GLUD1: variants seen among roughly 807,000 people sequenced by gnomAD.
The protein encoded by GLUD1 is glutamate dehydrogenase 1, mitochondrial.
GLUD1 carries 22 observed loss-of-function variants against 56.0 expected under a neutral mutation model. The ratio of observed to expected loss-of-function variants is 0.39; its 90% CI spans 0.28 to 0.56. The LOEUF is 0.56. Among genes scored for constraint, GLUD1 ranks in the 20% least tolerant of loss-of-function variants. The pLI, the probability that GLUD1 is intolerant of heterozygous loss-of-function variation, is 0.58. For missense variants in GLUD1, 451 were observed against 732.0 expected (o/e 0.62, Z 4.43); for synonymous variants, 223 against 269.9 (o/e 0.83, Z 1.70).
intron 10 of GLUD1, 91 bp from the exon 11 acceptor site, chr10:87,057,873 C>T: frequency 1.3e-6 from 1 of 742,022 alleles, no homozygotes; most frequent in South Asian, 1.4e-5. Context: ...ATAACTGTAA[C>T]CCAAAAACTT....
At chr10:87,061,225 G>GT in intron 6 of GLUD1, 173 bp from the exon 7 acceptor site, 2 of 744,360 alleles carry the variant, frequency 2.7e-6, no homozygotes, top group Non-Finnish European at 4.8e-6. Flanking sequence ...AAAATTCTCT[G>GT]TTTAAGAATG....
intron 11 of GLUD1, among the ~76,000 whole-genome samples, chr10:87,056,138 A>AC (rs1845768182): frequency 1.3e-5 from 2 of 149,954 alleles, no homozygotes; most frequent in African/African-American, 4.9e-5. Flanking sequence ...AAAAAAAAAA[A>AC]AACCAAAAAA....
At chr10:87,074,473 G>A in intron 4 of GLUD1, 78 bp downstream of exon 4, 1 of 806,744 alleles carries the variant, frequency 1.2e-6, no homozygotes, top group South Asian at 1.4e-5. Context: ...GGGCAACAGA[G>A]TGAGACTCCG....
chr10:87,075,025 A>AT (rs199509681), intron 3 of GLUD1, among the ~76,000 whole-genome samples: 2,906 of 152,352 alleles, frequency 0.019, 59 homozygotes, highest in Non-Finnish European at 0.032. Flanking sequence ...AACTGACTGG[A>AT]TAAAAAGTAA....
chr10:87,052,563 G>A (rs928975037), intron 12 of GLUD1, among the ~76,000 whole-genome samples: 4 of 151,246 alleles, frequency 2.6e-5, no homozygotes, highest in East Asian at 3.9e-4. Flanking sequence ...CCAGCTACTC[G>A]GGAGGCTAAG....
At chr10:87,091,635 A>T in intron 1 of GLUD1, 1 of 932,354 alleles carries the variant, frequency 1.1e-6, no homozygotes, top group Non-Finnish European at 1.3e-6. Flanking sequence ...TGGGAAAAGA[A>T]AAGCACAAAA....
intron 1 of GLUD1, among the ~76,000 whole-genome samples, chr10:87,081,778 C>T (rs1841261684): frequency 1.3e-5 from 2 of 151,368 alleles, no homozygotes; most frequent in Non-Finnish European, 3.0e-5. Flanking sequence ...TCACCACTCC[C>T]TAATCTCAAG....
intron 11 of GLUD1, among the ~76,000 whole-genome samples, chr10:87,056,979 T>C (rs546056521): frequency 9.9e-5 from 15 of 151,924 alleles, no homozygotes; most frequent in African/African-American, 3.4e-4. Flanking sequence ...CTTTCTTTTT[T>C]TTGGCGGGGG....
intron 1 of GLUD1, chr10:87,093,815 G>T: frequency 1.3e-6 from 1 of 779,728 alleles, no homozygotes; most frequent in Non-Finnish European, 1.9e-6. Flanking sequence ...AAACTGTCTA[G>T]ATTTCAAACT....
chr10:87,094,404 G>C lies in GLUD1; in HGVS notation c.366C>G (p.Ile122Met). ...CCTCCCAGGAGCCGTCGTCGCGCCG[G>C]ATGGGGAAGGAGAGACTCAGCACAT... ...CNHVLSLSFPIRRDDGSWEVI... is the reference protein window; with the variant it reads ...CNHVLSLSFPMRRDDGSWEVI... The change falls in exon 1 of 13, where the codon ATC becomes ATG. Residue 122 changes from isoleucine (I) to methionine (M), a missense_variant. Physicochemically the swap from Ile to Met is conservative, Grantham distance 10 (BLOSUM62 1). Coordinates refer to ENST00000277865, the MANE Select transcript of GLUD1 (RefSeq NM_005271.5). This position sits in a 1 kb window ranked among gnomAD's most constrained non-coding sequence, Gnocchi z 6.6. 1 of 1,613,566 alleles carries C rather than the reference G, an allele frequency of 6.2e-7. No homozygotes were observed. The highest frequency in any genetic ancestry group is 2.2e-5 in the East Asian group (1 of 44,866).
intron 5 of GLUD1, among the ~76,000 whole-genome samples, chr10:87,066,969 T>A (rs1301545420): frequency 1.3e-5 from 2 of 152,198 alleles, no homozygotes; most frequent in African/African-American, 4.8e-5. Context: ...TCCCTTTCCT[T>A]AATTCCACAT....
In GLUD1 at chr10:87,064,731, A is replaced by C. The variant is rs1431094831; in HGVS notation, c.742-1896T>G. ...GATTAATAGAATTAGTAGTTTTCCC[A>C]CAGTTTGCTTTCATGAATAATTAAC... On this transcript the variant is annotated intron_variant, in intron 5 of 12. Coordinates refer to ENST00000277865, the MANE Select transcript of GLUD1 (RefSeq NM_005271.5). 2.6e-5 allele frequency among the ~76,000 whole-genome samples: 4 copies of C among 152,250 alleles called. No homozygotes were observed. In the East Asian group the frequency reaches 7.7e-4, roughly 29 times the overall value.
chr10:87,060,581 C>A, intron 8 of GLUD1, 107 bp downstream of exon 8: 1 of 1,340,532 alleles, frequency 7.5e-7, no homozygotes, highest in East Asian at 2.3e-5. Flanking sequence ...CAGTATGTGC[C>A]AATAAAGCTG....
intron 11 of GLUD1, among the ~76,000 whole-genome samples, chr10:87,055,777 A>C (rs2133783303): frequency 6.6e-6 from 1 of 152,290 alleles, no homozygotes; most frequent in Middle Eastern, 3.4e-3. Flanking sequence ...CCCATGTTGC[A>C]ATATAGTCTC....
chr10:87,092,378 AAT>A (rs1249493102), intron 1 of GLUD1, among the ~76,000 whole-genome samples: 1 of 152,230 alleles, frequency 6.6e-6, no homozygotes, highest in Non-Finnish European at 1.5e-5. Context: ...TACTAGTAAC[AAT>A]TCAGTTTCTC....
chr10:87,052,876 T>C (rs1316707739), intron 12 of GLUD1, among the ~76,000 whole-genome samples: 1 of 152,140 alleles, frequency 6.6e-6, no homozygotes. Context: ...TATCTGCTTA[T>C]GCTATTTCAT....
intron 1 of GLUD1, among the ~76,000 whole-genome samples, chr10:87,090,515 A>G (rs1298000887): frequency 1.3e-5 from 2 of 152,170 alleles, no homozygotes. Context: ...GATCACTACC[A>G]TTACCAAGCG....
In GLUD1 at chr10:87,074,908, AT is replaced by A. The variant is rs1846344207; in HGVS notation, c.583-295del. Among the ~76,000 whole-genome samples the A allele has an allele frequency of 2.6e-5, 4 of 152,336 alleles. No individual in the cohort carries two copies. The South Asian group carries it at 8.3e-4, about 32-fold the overall frequency. On this transcript the variant is annotated intron_variant, in intron 3 of 12. Transcript: ENST00000277865. ...ATTAATTTAAATATAATTATATTCCATTTAAATGGTGAATTTTAAAGAGAAT... is the reference window on the plus strand; with the variant it reads ...ATTAATTTAAATATAATTATATTCCATTAAATGGTGAATTTTAAAGAGAAT...
intron 4 of GLUD1, among the ~76,000 whole-genome samples, 192 bp from the exon 5 acceptor site, chr10:87,068,349 A>T (rs932746126): frequency 6.6e-6 from 1 of 152,208 alleles, no homozygotes; most frequent in Admixed American, 6.5e-5. Context: ...CACATACAAC[A>T]TTACATAATA....
Sources: allele counts gnomAD v4.1 joint callset (sites outside exome capture counted in the v4.1 genomes callset), GRCh38; gene constraint gnomAD v4.1.1; non-coding constraint Gnocchi (gnomAD v3.1); transcripts MANE v1.5; gene names NCBI Gene and HGNC (gene_info 2026-07-23, HGNC 2026-07-21).